Variants in RASGRF2 observed in about 807,000 individuals in gnomAD.
RASGRF2 encodes Ras protein specific guanine nucleotide releasing factor 2, also known as ras-specific guanine nucleotide-releasing factor 2.
A neutral mutation model predicts 151.0 loss-of-function variants in RASGRF2; 76 were observed. The observed-to-expected ratio is 0.50, with a 90% CI of 0.42 to 0.61. The LOEUF (loss-of-function observed/expected upper bound fraction) is 0.61. Among genes scored for constraint, RASGRF2 ranks in the 20% least tolerant of loss-of-function variants. The pLI is 0.00. For missense variants in RASGRF2, 1,148 were observed against 1,564.6 expected, an observed-to-expected ratio of 0.73 and a Z score of 4.49; for synonymous variants, 504 against 566.5, an observed-to-expected ratio of 0.89 and a Z score of 1.57.
chr5:81,197,803 A>T (rs529064699), intron 18 of RASGRF2, among the ~76,000 whole-genome samples: 16 of 152,350 alleles, frequency 1.1e-4, no homozygotes, highest in African/African-American at 3.1e-4. Context: ...ACATATAAAG[A>T]TATAGTCTAT....
intron 1 of RASGRF2, among the ~76,000 whole-genome samples, chr5:81,022,241 C>A (rs1450017242): frequency 6.6e-6 from 1 of 152,156 alleles, no homozygotes; most frequent in Non-Finnish European, 1.5e-5. Context: ...TCTCCCAGGT[C>A]TCTCTTGCTG....
chr5:81,108,909 G>T, intron 12 of RASGRF2, 87 bp from the exon 13 acceptor site: 118 of 1,318,264 alleles, frequency 9.0e-5, no homozygotes, highest in East Asian at 1.6e-4. Context: ...AAATTGAATG[G>T]ATTCTTTTAG....
chr5:81,041,418 T>G (rs1205026303), intron 1 of RASGRF2, among the ~76,000 whole-genome samples: 1 of 152,216 alleles, frequency 6.6e-6, no homozygotes, highest in East Asian at 1.9e-4. Context: ...CATCTGTCAC[T>G]TTGTCTAATT....
chr5:81,134,694 A>G lies in RASGRF2; in HGVS notation c.2686+7531A>G, dbSNP rs912833040. On this transcript the variant is annotated intron_variant, in intron 17 of 26. Transcript: ENST00000265080. Reference sequence around the variant, plus strand: ...CTTCCCTGTTTAAAAATCTGACTCCATATTACTTGTAGTAGACTATACAGT... The same window carrying G: ...CTTCCCTGTTTAAAAATCTGACTCCGTATTACTTGTAGTAGACTATACAGT... 1.2e-4 allele frequency among the ~76,000 whole-genome samples: 18 copies of G among 152,318 alleles called. No individual in the cohort carries two copies. The East Asian group carries it at 3.3e-3, about 28-fold the overall frequency.
At position 81,175,860 on chromosome 5, in the gene RASGRF2, A is replaced by T. The variant is rs189319139; in HGVS notation, c.2687-4315A>T. Among the ~76,000 whole-genome samples the T allele has an allele frequency of 4.6e-5, 7 of 152,306 alleles. No individual in the cohort carries two copies. The East Asian group carries it at 1.2e-3, about 25-fold the overall frequency. ...ACAGATTACGTCCCATTTGTATGAA[A>T]TGAAAAATGATGCATCACTGAAATG... On this transcript the variant is annotated intron_variant, in intron 17 of 26. Coordinates refer to ENST00000265080, the MANE Select transcript of RASGRF2 (RefSeq NM_006909.3).
rs140027420 is a variant in RASGRF2 at position 81,061,611 on chromosome 5, G to C, written c.396-6421G>C. Among the ~76,000 whole-genome samples the C allele has an allele frequency of 8.6e-3, 1,294 of 151,308 alleles. 6 individuals are homozygous for C. The highest frequency in any genetic ancestry group is 0.031 in the South Asian group (149 of 4,778). ...CAGCTTCAAAATCCTGGGCTCAAGT[G>C]ATCCTCCTGCCTCAGCCTCCTTGAG... On this transcript the variant is annotated intron_variant, in intron 2 of 26. Coordinates refer to ENST00000265080, the MANE Select transcript of RASGRF2 (RefSeq NM_006909.3).
intron 12 of RASGRF2, among the ~76,000 whole-genome samples, chr5:81,103,735 A>C (rs1346323192): frequency 1.0e-5 from 1 of 96,724 alleles, no homozygotes; most frequent in Non-Finnish European, 2.6e-5. Flanking sequence ...GAAAAATTAA[A>C]AGATAGGAAA....
Position 81,203,434 on chromosome 5 carries a change from C to A in RASGRF2, c.2906+1992C>A, listed in dbSNP as rs527654800. On this transcript the variant is annotated intron_variant, in intron 19 of 26. Transcript: ENST00000265080. ...CTCTGCACCAAGAGGTGACCTCAGACGTCAGTCAGTTGGAGTTGGTTCTTA... is the reference window on the plus strand; with the variant it reads ...CTCTGCACCAAGAGGTGACCTCAGAAGTCAGTCAGTTGGAGTTGGTTCTTA... 3.3e-5 allele frequency among the ~76,000 whole-genome samples: 5 copies of A among 152,328 alleles called. No individual in the cohort carries two copies. In the South Asian group the frequency reaches 1.0e-3, roughly 32 times the overall value.
intron 1 of RASGRF2, among the ~76,000 whole-genome samples, chr5:81,006,002 T>C (rs1749257185): frequency 6.6e-6 from 1 of 152,230 alleles, no homozygotes; most frequent in Non-Finnish European, 1.5e-5. Flanking sequence ...CAAGTTCAAA[T>C]GTTCCAAGTT....
At chr5:80,966,342 G>C (rs1228420956) in intron 1 of RASGRF2, among the ~76,000 whole-genome samples, 1 of 152,046 alleles carries the variant, frequency 6.6e-6, no homozygotes, top group African/African-American at 2.4e-5. Flanking sequence ...ATTCCTCTCT[G>C]AAATTAGTTT....
Position 81,208,462 on chromosome 5 carries a change from C to T in RASGRF2, c.3156+24C>T, listed in dbSNP as rs774394932. The stretch of plus-strand genomic sequence containing the variant: ...ACGTGAGTAACCGTAACAGTAAAAC[C>T]GTGGGCGTGTCACAAGAAGATGGAT... On this transcript the variant is annotated intron_variant, in intron 22 of 26. Coordinates refer to ENST00000265080, the MANE Select transcript of RASGRF2 (RefSeq NM_006909.3). 45 of 1,515,568 alleles carry T rather than the reference C, an allele frequency of 3.0e-5. No homozygotes were observed. The Admixed American group carries it at 4.2e-4, about 14-fold the overall frequency. The allele number at this position is 1,515,568 out of a possible 1,614,324, so 93.9% of individuals were successfully genotyped here.
At chr5:81,170,699 A>G in intron 17 of RASGRF2, among the ~76,000 whole-genome samples, 1 of 152,170 alleles carries the variant, frequency 6.6e-6, no homozygotes, top group East Asian at 1.9e-4. Flanking sequence ...TTTCTCTCAC[A>G]TGGGCCTAGT....
chr5:81,013,614 T>TTATGC (rs1435935468), intron 1 of RASGRF2, among the ~76,000 whole-genome samples: 1 of 151,560 alleles, frequency 6.6e-6, no homozygotes, highest in African/African-American at 2.4e-5. Context: ...TATATATATG[T>TTATGC]TATGCTATGT....
chr5:81,113,928 C>T lies in RASGRF2; in HGVS notation c.2470+8C>T. The stretch of plus-strand genomic sequence containing the variant: ...AACGAAGTATTCAAAAAGGTATTAT[C>T]TAGCACATTTGCATAATTACACCCC... On this transcript the variant is annotated splice_region_variant and intron_variant, in intron 15 of 26. Transcript: ENST00000265080. 4.4e-6 allele frequency: 7 copies of T among 1,606,088 alleles called. No individual in the cohort carries two copies. Among genetic ancestry groups the T allele is most frequent in the Non-Finnish European group, 5.1e-6 (6 of 1,174,754 alleles).
At chr5:81,210,810 C>T (rs1169661055) in intron 22 of RASGRF2, among the ~76,000 whole-genome samples, 2 of 152,144 alleles carry the variant, frequency 1.3e-5, no homozygotes, top group East Asian at 3.9e-4. Context: ...TACACCATCC[C>T]TCCCACCTCT....
intron 20 of RASGRF2, 122 bp downstream of exon 20, chr5:81,207,027 G>T: frequency 1.1e-6 from 1 of 917,184 alleles, no homozygotes; most frequent in Non-Finnish European, 1.7e-6. Flanking sequence ...TATCTGTGAA[G>T]CTCTGTGAGA....
Position 81,229,116 on chromosome 5 carries a change from A to C in RASGRF2, c.*3346A>C, listed in dbSNP as rs1377154913. 6.6e-6 allele frequency: 1 copy of C among 152,196 alleles called. No homozygotes were observed. Among genetic ancestry groups the C allele is most frequent in the Non-Finnish European group, 1.5e-5 (1 of 68,022 alleles). The allele number at this position is 152,196 out of a possible 1,614,324, so 9.4% of individuals were successfully genotyped here. A position where few individuals can be genotyped will look rare whatever the true frequency, so the allele number is the denominator to read the frequency against. Reference sequence around the variant, plus strand: ...TGCAATACAGGGATTATTCCCAATAAAATTAACTTTTATTTAAAAGCAAGA... The same window carrying C: ...TGCAATACAGGGATTATTCCCAATACAATTAACTTTTATTTAAAAGCAAGA... On this transcript the variant is annotated 3_prime_UTR_variant, in exon 27 of 27. Coordinates refer to ENST00000265080, the MANE Select transcript of RASGRF2 (RefSeq NM_006909.3).
intron 1 of RASGRF2, among the ~76,000 whole-genome samples, chr5:80,976,006 G>T (rs934433845): frequency 6.6e-6 from 1 of 151,966 alleles, no homozygotes; most frequent in Non-Finnish European, 1.5e-5. Flanking sequence ...CACCACACCC[G>T]ACTAATTTTG....
At position 81,123,771 on chromosome 5, in the gene RASGRF2, A is replaced by G. The variant is rs112269950; in HGVS notation, c.2596+4A>G. On this transcript the variant is annotated splice_donor_region_variant and intron_variant, in intron 16 of 26. Transcript: ENST00000265080. ...CTCCGCTATCGACAGCCTGGAGGTA[A>G]GAGCTCAAGAGGGACTCAGAAATAG... 8,169 of 1,610,606 alleles carry G rather than the reference A, an allele frequency of 5.1e-3. 330 individuals carry two copies. The African/African-American group carries it at 0.085, about 17-fold the overall frequency.
Sources: allele counts gnomAD v4.1 joint callset (sites outside exome capture counted in the v4.1 genomes callset), GRCh38; gene constraint gnomAD v4.1.1; transcripts MANE v1.5; gene names NCBI Gene and HGNC (gene_info 2026-07-23, HGNC 2026-07-21).